CCND3: variants seen among roughly 807,000 people sequenced by gnomAD.
CCND3 encodes the protein cyclin D3.
CCND3 carries 9 observed loss-of-function variants against 28.7 expected under a neutral mutation model. The ratio of observed to expected loss-of-function variants is 0.31; its 90% CI spans 0.19 to 0.55. The LOEUF (loss-of-function observed/expected upper bound fraction) is 0.55, where lower values mean the gene tolerates loss of function less well. Ranked by LOEUF, CCND3 falls within the 20% of genes least tolerant of loss-of-function variation. CCND3 has a pLI of 0.93. For synonymous variants in CCND3, 164 were observed against 163.9 expected (o/e 1.00, Z 0.00); for missense variants, 315 against 385.8 (o/e 0.82, Z 1.54).
At chr6:41,964,673 T>C (rs1480482469) in intron 1 of CCND3, among the ~76,000 whole-genome samples, 2 of 147,940 alleles carry the variant, frequency 1.4e-5, no homozygotes, top group Non-Finnish European at 3.1e-5. Context: ...ACCCAGCAGG[T>C]TGGGTGCATG....
chr6:41,936,027 G>A lies in CCND3; in HGVS notation c.792C>T (p.Ser264=), dbSNP rs1561948816. ...SLREASQTSS[S]PAPKAPRGSS... is the part of the protein sequence containing the mutation. Reference sequence around the variant, plus strand: ...AGCCCCGGGGGGCTTTGGGCGCTGGGCTGGAGCTGGTCTGAGAGGCTTCCC... The same window carrying A: ...AGCCCCGGGGGGCTTTGGGCGCTGGACTGGAGCTGGTCTGAGAGGCTTCCC... The change falls in exon 5 of 5, where the codon AGC becomes AGT. Residue 264 remains serine, a synonymous_variant. Transcript: ENST00000372991. This position sits in a 1 kb window ranked among gnomAD's most constrained non-coding sequence, Gnocchi z 4.4. 6.2e-7 allele frequency: 1 copy of A among 1,613,496 alleles called. No homozygotes were observed. The highest frequency in any genetic ancestry group is 8.5e-7 in the Non-Finnish European group (1 of 1,179,648).
chr6:41,942,473 T>C (rs975784561), upstream of CCND3, among the ~76,000 whole-genome samples: 1 of 152,164 alleles, frequency 6.6e-6, no homozygotes, highest in Non-Finnish European at 1.5e-5. Flanking sequence ...TCTGTGCACT[T>C]TAAAGTATGA....
chr6:42,014,365 C>CAAACAAAATA (rs1763435619), intron 1 of CCND3, among the ~76,000 whole-genome samples: 2 of 148,826 alleles, frequency 1.3e-5, no homozygotes, highest in South Asian at 4.3e-4. Context: ...GACTCTGTCT[C>CAAACAAAATA]AAACAAAACA....
At chr6:42,023,300 C>T (rs574675459) in intron 1 of CCND3, among the ~76,000 whole-genome samples, 4 of 152,216 alleles carry the variant, frequency 2.6e-5, no homozygotes, top group Non-Finnish European at 4.4e-5. Flanking sequence ...GACGTGCTGG[C>T]GAATGTTTCT....
At chr6:41,937,473 A>G (rs1775844735) in intron 2 of CCND3, 79 bp from the exon 3 acceptor site, 2 of 1,545,492 alleles carry the variant, frequency 1.3e-6, no homozygotes, top group African/African-American at 1.4e-5. Flanking sequence ...TCAAAGTCTC[A>G]GGCAGGGAAG....
At chr6:41,959,431 G>A (rs1277076044) in intron 1 of CCND3, among the ~76,000 whole-genome samples, 4 of 147,888 alleles carry the variant, frequency 2.7e-5, no homozygotes, top group African/African-American at 1.0e-4. Context: ...CTGTGAGCCA[G>A]GCCAGCACTT....
At chr6:42,044,750 C>T (rs74916404) in intron 1 of CCND3, among the ~76,000 whole-genome samples, 12,389 of 151,092 alleles carry the variant, frequency 0.082, 969 homozygotes, top group African/African-American at 0.2. Context: ...CTTTTTTTAA[C>T]TTGGCTATCT....
At chr6:41,957,069 G>A (rs975270646) in intron 1 of CCND3, among the ~76,000 whole-genome samples, 1 of 152,172 alleles carries the variant, frequency 6.6e-6, no homozygotes, top group African/African-American at 2.4e-5. Context: ...AATGGTTTAA[G>A]TTACTAAAGG....
chr6:42,017,385 C>T (rs1187522231), intron 1 of CCND3, among the ~76,000 whole-genome samples: 1 of 152,244 alleles, frequency 6.6e-6, no homozygotes, highest in East Asian at 1.9e-4. Flanking sequence ...GGGGAGCTGG[C>T]TGATAATGAG....
intron 1 of CCND3, among the ~76,000 whole-genome samples, chr6:41,946,851 G>A (rs544817409): frequency 2.0e-4 from 31 of 152,174 alleles, no homozygotes; most frequent in Admixed American, 1.2e-3. Flanking sequence ...TTGGGAGGCC[G>A]AGGTGGGCGG....
intron 1 of CCND3, among the ~76,000 whole-genome samples, chr6:41,958,066 C>G (rs1297419309): frequency 7.1e-6 from 1 of 140,502 alleles, no homozygotes; most frequent in Non-Finnish European, 1.5e-5. Context: ...GATGCAATCT[C>G]AGCTCACTGC....
At chr6:42,000,076 A>C (rs1008279582) in intron 1 of CCND3, among the ~76,000 whole-genome samples, 10 of 151,676 alleles carry the variant, frequency 6.6e-5, no homozygotes, top group Non-Finnish European at 1.0e-4. Flanking sequence ...GTATTGGAGA[A>C]TACACATTCT....
chr6:42,008,419 A>C (rs1356665620), intron 1 of CCND3, among the ~76,000 whole-genome samples: 1 of 152,204 alleles, frequency 6.6e-6, no homozygotes. Flanking sequence ...GACAAATTCA[A>C]ACAGTCCAGA....
intron 1 of CCND3, among the ~76,000 whole-genome samples, chr6:42,014,388 A>G (rs1249006237): frequency 6.6e-6 from 1 of 151,936 alleles, no homozygotes; most frequent in South Asian, 2.1e-4. Context: ...ACAAAACAAA[A>G]CAAAACAAAA....
rs1764607585 is a variant in CCND3 at position 42,048,337 on chromosome 6, G to GAACA, written c.-46+160_-46+163dup. On this transcript the variant is annotated intron_variant, in intron 1 of 4. Transcript: ENST00000372988. This position sits in a 1 kb window ranked among gnomAD's most constrained non-coding sequence, Gnocchi z 4.7. ...TTTCTCTGCCCTTCAATTCCGTGCA[G>GAACA]AACACCTCACTCAGTGGGAAAGTGA... The GAACA allele has an allele frequency of 5.3e-5, 18 of 339,122 alleles. 1 individual carries two copies. The highest frequency in any genetic ancestry group is 3.5e-4 in the South Asian group (16 of 45,142). 21.0% of individuals were successfully genotyped at this position (339,122 alleles called of 1,614,324 possible).
In CCND3 at chr6:41,935,623, G is replaced by GC. The variant is rs1285838462; in HGVS notation, c.*316_*317insG. The GC allele has an allele frequency of 6.4e-6, 3 of 470,046 alleles. No individual in the cohort carries two copies. The highest frequency in any genetic ancestry group is 1.1e-5 in the Non-Finnish European group (3 of 263,092). The allele number at this position is 470,046 out of a possible 1,614,324, so 29.1% of individuals were successfully genotyped here. A position where few individuals can be genotyped will look rare whatever the true frequency, so the allele number is the denominator to read the frequency against. ...ACATGAGAGCCCCCAGGGGTGGGGG[G>GC]GGGCGTTCAAAAGGAATGCTGGTGT... On this transcript the variant is annotated 3_prime_UTR_variant, in exon 5 of 5. Coordinates refer to ENST00000372991, the MANE Select transcript of CCND3 (RefSeq NM_001760.5).
chr6:41,969,366 A>T (rs1255764891), intron 1 of CCND3, among the ~76,000 whole-genome samples: 5 of 151,332 alleles, frequency 3.3e-5, no homozygotes, highest in African/African-American at 1.2e-4. Context: ...AAATACAAAA[A>T]TTAGCTGGGC....
In CCND3 at chr6:41,935,773, C is replaced by A. The variant is rs987184665; in HGVS notation, c.*167G>T. ...GAAATGCAGACATGGCTGGCCGGGC[C>A]CCTTAGTGCACACTGCGGGGATGGG... On this transcript the variant is annotated 3_prime_UTR_variant, in exon 5 of 5. Coordinates refer to ENST00000372991, the MANE Select transcript of CCND3 (RefSeq NM_001760.5). The A allele has an allele frequency of 3.2e-5, 20 of 624,662 alleles. No homozygotes were observed. The African/African-American group carries it at 3.3e-4, about 10-fold the overall frequency. 38.7% of individuals were successfully genotyped at this position (624,662 alleles called of 1,614,324 possible).
intron 1 of CCND3, among the ~76,000 whole-genome samples, chr6:41,958,000 C>CTTTTTTTTTTTTTTTTTTT (rs536258560): frequency 7.9e-6 from 1 of 127,042 alleles, no homozygotes; most frequent in Non-Finnish European, 1.6e-5. Flanking sequence ...TTATCTTTAT[C>CTTTTTTTTTTTTTTTTTTT]TTTTTTTTTT....
Sources: gnomAD v4.1 joint callset for allele counts (sites outside exome capture counted in the v4.1 genomes callset) on GRCh38, gnomAD v4.1.1 for gene constraint, Gnocchi (gnomAD v3.1) non-coding constraint, MANE v1.5 for transcripts, NCBI Gene and HGNC (gene_info 2026-07-23, HGNC 2026-07-21) for gene names.